SEMA3E: variants seen among roughly 807,000 people sequenced by gnomAD.
SEMA3E encodes semaphorin 3E.
SEMA3E carries 49 observed loss-of-function variants against 93.6 expected under a neutral mutation model. That is an observed-to-expected ratio of 0.52 (90% confidence interval 0.42 to 0.66). The LOEUF (loss-of-function observed/expected upper bound fraction) is 0.66. Among genes scored for constraint, SEMA3E ranks in the 30% least tolerant of loss-of-function variants. The pLI is 0.00. For missense variants in SEMA3E, 906 were observed against 964.8 expected (o/e 0.94, Z 0.81); for synonymous variants, 363 against 330.7 (o/e 1.10, Z -1.06).
chr7:83,418,291 T>C (rs1788597948), intron 5 of SEMA3E, 99 bp downstream of exon 5: 4 of 850,472 alleles, frequency 4.7e-6, no homozygotes, highest in Admixed American at 4.0e-5. Context: ...TGACAAGGCA[T>C]AGTATGTAAA....
intron 1 of SEMA3E, among the ~76,000 whole-genome samples, chr7:83,580,105 A>C (rs954708280): frequency 6.6e-6 from 1 of 152,078 alleles, no homozygotes; most frequent in African/African-American, 2.4e-5. Context: ...ACCGACAACT[A>C]TCTGAACTTT....
At chr7:83,407,003 G>A in intron 7 of SEMA3E, 94 bp downstream of exon 7, 1 of 1,460,530 alleles carries the variant, frequency 6.8e-7, no homozygotes, top group Non-Finnish European at 9.5e-7. Context: ...AAGAATACTA[G>A]AAAATATTTA....
chr7:83,485,889 T>C (rs1333042585), intron 2 of SEMA3E, among the ~76,000 whole-genome samples: 4 of 152,114 alleles, frequency 2.6e-5, no homozygotes. Flanking sequence ...GTTATGTATA[T>C]CCTTTTCTGT....
chr7:83,566,870 G>A (rs1193472387), intron 1 of SEMA3E, among the ~76,000 whole-genome samples: 1 of 152,028 alleles, frequency 6.6e-6, no homozygotes, highest in Non-Finnish European at 1.5e-5. Context: ...AGGAACAAAG[G>A]ACATATAAAT....
intron 4 of SEMA3E, among the ~76,000 whole-genome samples, chr7:83,459,933 C>A (rs548124675): frequency 1.3e-4 from 20 of 152,278 alleles, no homozygotes; most frequent in Non-Finnish European, 1.2e-4. Flanking sequence ...CTCCTGCCCG[C>A]CAGAGAACAA....
chr7:83,629,936 C>T (rs901059359), intron 1 of SEMA3E, among the ~76,000 whole-genome samples: 1 of 152,206 alleles, frequency 6.6e-6, no homozygotes, highest in African/African-American at 2.4e-5. Flanking sequence ...CCGAGGGAAT[C>T]TCCTGGTCTG....
chr7:83,639,136 A>AAAAAAAAAAAAAAC (rs1562866057), intron 1 of SEMA3E, among the ~76,000 whole-genome samples: 25 of 132,142 alleles, frequency 1.9e-4, no homozygotes, highest in African/African-American at 6.4e-4. Flanking sequence ...AAAAAAAAAA[A>AAAAAAAAAAAAAAC]AAAACAGAGA....
intron 11 of SEMA3E, 83 bp downstream of exon 11, chr7:83,399,945 A>T: frequency 9.1e-7 from 1 of 1,104,496 alleles, no homozygotes; most frequent in Non-Finnish European, 1.4e-6. Context: ...AGATTTGTCG[A>T]TAGGTGCTTT....
chr7:83,495,806 T>C (rs1291373908), intron 1 of SEMA3E, among the ~76,000 whole-genome samples: 1 of 151,810 alleles, frequency 6.6e-6, no homozygotes, highest in African/African-American at 2.4e-5. Context: ...CTAGTGAAAA[T>C]AAGAATTCAG....
intron 1 of SEMA3E, among the ~76,000 whole-genome samples, chr7:83,577,636 G>T (rs1792433506): frequency 6.6e-6 from 1 of 152,064 alleles, no homozygotes; most frequent in Non-Finnish European, 1.5e-5. Context: ...GGATGCAATT[G>T]ATATTGACAA....
chr7:83,568,114 A>G (rs775578612), intron 1 of SEMA3E, among the ~76,000 whole-genome samples: 11 of 152,100 alleles, frequency 7.2e-5, no homozygotes, highest in Non-Finnish European at 1.3e-4. Context: ...ATATACTAAC[A>G]AACTGGAAAC....
intron 1 of SEMA3E, among the ~76,000 whole-genome samples, chr7:83,562,066 A>G (rs1252574787): frequency 1.3e-5 from 2 of 152,202 alleles, no homozygotes; most frequent in African/African-American, 4.8e-5. Context: ...CAGCATATTC[A>G]TAAGTCTGAC....
At chr7:83,368,115 A>G in intron 16 of SEMA3E, 77 bp from the exon 17 acceptor site, 2 of 1,335,094 alleles carry the variant, frequency 1.5e-6, no homozygotes, top group African/African-American at 1.5e-5. Context: ...TCCACTACCT[A>G]TCTTGAATTT....
In SEMA3E at chr7:83,394,327, A is replaced by G; in HGVS notation, c.1470T>C (p.Pro490=). ...EELQIFKDPV[P]IISMEISSKR... Reference sequence around the variant, plus strand: ...TTGAAGAAATCTCCATAGAAATAATAGGAACTGGATCCTGAAATTTTAAAA... The same window carrying G: ...TTGAAGAAATCTCCATAGAAATAATGGGAACTGGATCCTGAAATTTTAAAA... Residue 490 remains proline (P), a synonymous_variant, in exon 13 of 17, where the codon CCT becomes CCC. Coordinates refer to ENST00000643230, the MANE Select transcript of SEMA3E (RefSeq NM_012431.3). The G allele has an allele frequency of 6.2e-7, 1 of 1,613,228 alleles. No individual in the cohort carries two copies.
chr7:83,432,283 T>G (rs1009474480), intron 4 of SEMA3E, among the ~76,000 whole-genome samples: 11 of 151,000 alleles, frequency 7.3e-5, no homozygotes, highest in African/African-American at 2.4e-4. Context: ...TTTTTTTTTT[T>G]GTTGTGTGGC....
intron 16 of SEMA3E, among the ~76,000 whole-genome samples, chr7:83,376,998 C>T (rs892398483): frequency 3.3e-5 from 5 of 152,092 alleles, no homozygotes; most frequent in Non-Finnish European, 7.4e-5. Flanking sequence ...CCAAAATAGG[C>T]ATAGATGATA....
At chr7:83,445,620 A>G (rs1184603829) in intron 4 of SEMA3E, among the ~76,000 whole-genome samples, 1 of 152,218 alleles carries the variant, frequency 6.6e-6, no homozygotes, top group Non-Finnish European at 1.5e-5. Context: ...TGGGAGGCTG[A>G]GGCAGGAGAA....
intron 4 of SEMA3E, among the ~76,000 whole-genome samples, chr7:83,463,937 A>AG (rs1387625103): frequency 6.6e-6 from 1 of 152,160 alleles, no homozygotes; most frequent in African/African-American, 2.4e-5. Context: ...CTCTTAGTCT[A>AG]GGTAGATACT....
intron 1 of SEMA3E, among the ~76,000 whole-genome samples, chr7:83,492,372 T>C (rs1024808032): frequency 6.6e-6 from 1 of 152,010 alleles, no homozygotes; most frequent in Non-Finnish European, 1.5e-5. Flanking sequence ...TGCACGCACA[T>C]GGCAAGATAG....
Sources: allele counts gnomAD v4.1 joint callset (sites outside exome capture counted in the v4.1 genomes callset), GRCh38; gene constraint gnomAD v4.1.1; transcripts MANE v1.5; gene names NCBI Gene and HGNC (gene_info 2026-07-23, HGNC 2026-07-21).